The following RGN variants were observed in gnomAD, a reference collection of about 807,000 sequenced individuals.
RGN encodes regucalcin, also known as epididymis secretory protein Li 41.
Under a neutral mutation model 20.6 loss-of-function variants are expected in RGN, and 19 were observed. The ratio of observed to expected loss-of-function variants is 0.92; its 90% CI spans 0.64 to 1.35. The LOEUF is 1.35. RGN is among the 40% of genes most tolerant of loss of function. RGN has a pLI of 0.00. For missense variants in RGN, 302 were observed against 232.7 expected (o/e 1.30, Z -1.94); for synonymous variants, 85 against 87.2 (o/e 0.97, Z 0.14).
At chrX:47,090,890 G>GAAGAAAGAAAGA in intron 5 of RGN, among the ~76,000 whole-genome samples, 1 of 51,495 alleles carries the variant, frequency 1.9e-5, no homozygotes, top group African/African-American at 9.3e-5. Flanking sequence ...AAGAAAAGAA[G>GAAGAAAGAAAGA]AAGAAAGAAA....
chrX:47,079,709 G>T (rs782611483), intron 1 of RGN, among the ~76,000 whole-genome samples: 53 of 111,158 alleles, frequency 4.8e-4, no homozygotes, highest in African/African-American at 1.5e-3. Context: ...GAGATTACAG[G>T]CATGAGCCAC....
chrX:47,086,785 A>AAGAGAG (rs1930620581), intron 4 of RGN, among the ~76,000 whole-genome samples: 2 of 50,180 alleles, frequency 4.0e-5, no homozygotes, highest in Non-Finnish European at 8.3e-5. Context: ...GAGAGAGAGA[A>AAGAGAG]AGAGAGAGAG....
rs782136558 is a variant in RGN, at chrX:47,092,960, T to C, written c.*13T>C. 2.5e-6 allele frequency: 3 copies of C among 1,183,046 alleles called. No homozygotes were observed. Among genetic ancestry groups the C allele is most frequent in the African/African-American group, 1.8e-5 (1 of 56,751 alleles). On this transcript the variant is annotated 3_prime_UTR_variant, in exon 8 of 8. Transcript: ENST00000397180. ...CTATGCGGGATGAGGACAGGTCTTCTTTCCTGCCAGAGGGAGCTCTGAAGA... is the reference window on the plus strand; with the variant it reads ...CTATGCGGGATGAGGACAGGTCTTCCTTCCTGCCAGAGGGAGCTCTGAAGA...
chrX:47,093,141 G>C lies in RGN; in HGVS notation c.*194G>C. The C allele has an allele frequency of 2.4e-6, 1 of 421,847 alleles. No individual in the cohort carries two copies. The highest frequency in any genetic ancestry group is 4.1e-6 in the Non-Finnish European group (1 of 244,197). 34.8% of individuals were successfully genotyped at this position (421,847 alleles called of 1,213,427 possible). On this transcript the variant is annotated 3_prime_UTR_variant, in exon 8 of 8. Transcript: ENST00000397180. ...GTGGTTTTGATAACACACTTATAAG[G>C]CTTTCTGTAAAAGGTACTATAGAAG... is the stretch of plus-strand genomic sequence containing the variant.
intron 4 of RGN, among the ~76,000 whole-genome samples, chrX:47,085,389 C>T (rs1190538763): frequency 9.1e-6 from 1 of 109,707 alleles, no homozygotes; most frequent in African/African-American, 3.3e-5. Context: ...GCGTGGTGGG[C>T]GCCTGTAGTC....
chrX:47,080,158 C>T (rs1930233833), intron 1 of RGN, among the ~76,000 whole-genome samples, 159 bp from the exon 2 acceptor site: 2 of 112,424 alleles, frequency 1.8e-5, no homozygotes, highest in Non-Finnish European at 3.7e-5. Context: ...GCTGGGATTA[C>T]AGGCCTGAGC....
In RGN at chrX:47,091,028, T is replaced by A. The variant is rs568530248; in HGVS notation, c.563-650T>A. On this transcript the variant is annotated intron_variant, in intron 5 of 7. Transcript: ENST00000397180. Reference sequence around the variant, plus strand: ...TGACAGTTTTTACCCATTGTCATTGTATGTGGTTTTAACATTTTTCCATTA... The same window carrying A: ...TGACAGTTTTTACCCATTGTCATTGAATGTGGTTTTAACATTTTTCCATTA... Among the ~76,000 whole-genome samples, 3 of 111,061 alleles carry A rather than the reference T, an allele frequency of 2.7e-5. No individual in the cohort carries two copies. The East Asian group carries it at 8.4e-4, about 31-fold the overall frequency.
intron 5 of RGN, among the ~76,000 whole-genome samples, chrX:47,090,972 GAA>G (rs1179018606): frequency 9.4e-6 from 1 of 106,113 alleles, no homozygotes; most frequent in Non-Finnish European, 2.0e-5. Context: ...AAGAAAGAAA[GAA>G]AGAAAGAAAG....
chrX:47,091,332 A>G (rs184508635), intron 5 of RGN, among the ~76,000 whole-genome samples: 7 of 112,112 alleles, frequency 6.2e-5, no homozygotes, highest in African/African-American at 2.3e-4. Flanking sequence ...TTTGTAACTG[A>G]AACAGCAAAG....
chrX:47,082,303 C>CTTTTTTTTTTTTTTT (rs11286766), intron 3 of RGN, among the ~76,000 whole-genome samples: 1 of 59,259 alleles, frequency 1.7e-5, no homozygotes, highest in Non-Finnish European at 3.0e-5. Flanking sequence ...GGGACCTCAA[C>CTTTTTTTTTTTTTTT]TTTTTTTTTT....
chrX:47,090,925 A>AAAGAAAGAAAGAAAG, intron 5 of RGN, among the ~76,000 whole-genome samples: 1 of 33,882 alleles, frequency 3.0e-5, no homozygotes, highest in African/African-American at 9.1e-5. Flanking sequence ...GGAAAGAAAG[A>AAAGAAAGAAAGAAAG]AAGAAAGAAA....
At chrX:47,086,150 T>C (rs1380542207) in intron 4 of RGN, among the ~76,000 whole-genome samples, 1 of 111,487 alleles carries the variant, frequency 9.0e-6, no homozygotes, top group African/African-American at 3.3e-5. Context: ...CAGCCAGGCC[T>C]ACCCAACTCC....
In RGN at chrX:47,084,404, C is replaced by G; in HGVS notation, c.164-14C>G. 6 of 1,183,376 alleles carry G rather than the reference C, an allele frequency of 5.1e-6. No individual in the cohort carries two copies. Among genetic ancestry groups the G allele is most frequent in the Non-Finnish European group, 6.8e-6 (6 of 880,383 alleles). On this transcript the variant is annotated splice_polypyrimidine_tract_variant and intron_variant, in intron 3 of 7. Coordinates refer to ENST00000397180, the MANE Select transcript of RGN (RefSeq NM_152869.4). ...AACTGGTACTGTTTTTTAACTGTTG[C>G]TTTACCTCTACAGATGCCCCAGTCA...
Position 47,088,891 on chromosome X carries a change from G to A in RGN, c.347-885G>A, listed in dbSNP as rs140834342. On this transcript the variant is annotated intron_variant, in intron 4 of 7. Coordinates refer to ENST00000397180, the MANE Select transcript of RGN (RefSeq NM_152869.4). ...TGAGGCTGCAATGAGCTGTGATCAC[G>A]CCACTGCACTCCAGCCTGGGCAACA... 8.2e-3 allele frequency among the ~76,000 whole-genome samples: 783 copies of A among 95,827 alleles called. 12 individuals are homozygous for A. Among genetic ancestry groups the A allele is most frequent in the African/African-American group, 0.029 (739 of 25,450 alleles). 83.2% of individuals were successfully genotyped at this position (95,827 alleles called of 115,157 possible). A position where few individuals can be genotyped will look rare whatever the true frequency, so the allele number is the denominator to read the frequency against.
intron 5 of RGN, 59 bp downstream of exon 5, chrX:47,090,050 C>G (rs1930875774): frequency 1.5e-5 from 13 of 874,822 alleles, no homozygotes; most frequent in Non-Finnish European, 2.1e-5. Context: ...ATGTTTGTGA[C>G]TAGTAAGGCG....
intron 1 of RGN, among the ~76,000 whole-genome samples, chrX:47,080,009 G>A (rs976885691): frequency 1.8e-5 from 2 of 110,953 alleles, no homozygotes; most frequent in African/African-American, 6.6e-5. Context: ...TCAGGCTCCC[G>A]AGTAGCTAGG....
chrX:47,090,933 AAAGAAAGAAAGAAAG>A (rs1556387450), intron 5 of RGN, among the ~76,000 whole-genome samples: 2 of 44,933 alleles, frequency 4.5e-5, no homozygotes, highest in Non-Finnish European at 9.9e-5. Context: ...AGAAAGAAAG[AAAGAAAGAAAGAAAG>A]AAAGAAAGAA....
At position 47,091,704 on chromosome X, in the gene RGN, G is replaced by A; in HGVS notation, c.589G>A (p.Glu197Lys). The change falls in exon 6 of 8, where the codon GAA becomes AAA. Residue 197 changes from glutamate to lysine, a missense_variant. Coordinates refer to ENST00000397180, the MANE Select transcript of RGN (RefSeq NM_152869.4). ...ISNRRSVYKL[E>K]KEEQIPDGMC... is the part of the protein sequence containing the mutation. Reference sequence around the variant, plus strand: ...CAACCGCAGAAGTGTTTACAAGCTAGAAAAGGAAGAACAAATCCCAGATGG... The same window carrying A: ...CAACCGCAGAAGTGTTTACAAGCTAAAAAAGGAAGAACAAATCCCAGATGG... The A allele has an allele frequency of 8.3e-7, 1 of 1,209,940 alleles. No homozygotes were observed. The highest frequency in any genetic ancestry group is 1.1e-6 in the Non-Finnish European group (1 of 894,903).
chrX:47,090,114 T>C (rs1245109552), intron 5 of RGN, 123 bp downstream of exon 5: 1 of 445,764 alleles, frequency 2.2e-6, no homozygotes, highest in Non-Finnish European at 3.8e-6. Flanking sequence ...AGCTTTCTGA[T>C]GCTACTATTC....
Sources: gnomAD v4.1 joint callset for allele counts (sites outside exome capture counted in the v4.1 genomes callset) on GRCh38, gnomAD v4.1.1 for gene constraint, MANE v1.5 for transcripts, NCBI Gene and HGNC (gene_info 2026-07-23, HGNC 2026-07-21) for gene names.